Variants in AGBL1 observed in about 807,000 individuals in gnomAD.
AGBL1 encodes the protein cytosolic carboxypeptidase 4.
A neutral mutation model predicts 118.9 loss-of-function variants in AGBL1; 130 were observed. That is an observed-to-expected ratio of 1.09 (90% CI 0.95 to 1.26). AGBL1 has a LOEUF of 1.26. AGBL1 is among the 50% of genes most tolerant of loss of function. The pLI is 0.00. For synonymous variants in AGBL1, 555 were observed against 478.9 expected (o/e 1.16, Z -2.08); for missense variants, 1,584 against 1,298.1 (o/e 1.22, Z -3.38).
At chr15:86,692,156 T>A (rs2086183376) in intron 22 of AGBL1, among the ~76,000 whole-genome samples, 1 of 151,704 alleles carries the variant, frequency 6.6e-6, no homozygotes, top group African/African-American at 2.4e-5. Context: ...CCAGCCTGGG[T>A]GACACAGCAA....
intron 19 of AGBL1, among the ~76,000 whole-genome samples, chr15:86,523,953 C>T (rs1333501540): frequency 6.6e-6 from 1 of 152,172 alleles, no homozygotes; most frequent in Non-Finnish European, 1.5e-5. Flanking sequence ...GAGTCCTTAC[C>T]TAACCTAACA....
At chr15:86,375,651 G>A (rs981749937) in intron 17 of AGBL1, among the ~76,000 whole-genome samples, 1 of 152,124 alleles carries the variant, frequency 6.6e-6, no homozygotes, top group Non-Finnish European at 1.5e-5. Context: ...TGCAAAAAAG[G>A]TACTCGGCTG....
chr15:86,108,820 G>A (rs556580844), intron 1 of AGBL1, among the ~76,000 whole-genome samples: 1 of 152,140 alleles, frequency 6.6e-6, no homozygotes, highest in African/African-American at 2.4e-5. Context: ...AGCCAGGCGT[G>A]GTGGCATGCA....
At chr15:86,731,848 C>A (rs2077531596) in intron 22 of AGBL1, among the ~76,000 whole-genome samples, 1 of 152,142 alleles carries the variant, frequency 6.6e-6, no homozygotes, top group South Asian at 2.1e-4. Context: ...GGGTAGTAAG[C>A]CTCTGAAATG....
chr15:86,523,691 A>G (rs114787959), intron 19 of AGBL1, among the ~76,000 whole-genome samples: 1,431 of 90,908 alleles, frequency 0.016, 23 homozygotes, highest in African/African-American at 0.1. Flanking sequence ...CTAGGTGTTT[A>G]TGTTCAACTA....
At chr15:86,333,797 C>A (rs532925378) in intron 17 of AGBL1, among the ~76,000 whole-genome samples, 5 of 152,142 alleles carry the variant, frequency 3.3e-5, no homozygotes, top group Admixed American at 6.5e-5. Context: ...AAAATGCTAG[C>A]AAGCTGAACC....
At chr15:86,884,049 T>G (rs775351389) in intron 22 of AGBL1, among the ~76,000 whole-genome samples, 26 of 152,196 alleles carry the variant, frequency 1.7e-4, no homozygotes, top group Non-Finnish European at 2.8e-4. Flanking sequence ...TTACCATAGA[T>G]CTTAGAAACT....
chr15:86,946,793 A>C (rs1228453206), intron 23 of AGBL1, among the ~76,000 whole-genome samples: 5 of 150,756 alleles, frequency 3.3e-5, no homozygotes, highest in Non-Finnish European at 5.9e-5. Context: ...GCAGTGAGCC[A>C]AAATCATGCC....
At chr15:87,006,299 A>G (rs572842660) in intron 24 of AGBL1, among the ~76,000 whole-genome samples, 1 of 152,262 alleles carries the variant, frequency 6.6e-6, no homozygotes, top group East Asian at 1.9e-4. Flanking sequence ...GGTGGAGTCT[A>G]CAGAGGCAGG....
rs372952196 is a variant in AGBL1 at position 86,540,719 on chromosome 15, C to T, written c.2686-5283C>T. Among the ~76,000 whole-genome samples, 238 of 152,276 alleles carry T rather than the reference C, an allele frequency of 1.6e-3. 1 individual carries two copies. The highest frequency in any genetic ancestry group is 5.5e-3 in the African/African-American group (230 of 41,548). On this transcript the variant is annotated intron_variant, in intron 19 of 22. Transcript: ENST00000614907. ...GGTAGAAAAGAAAAAGCTTCCTTAA[C>T]TTAAATAATTGGATAATTGCCTTGT...
intron 1 of AGBL1, among the ~76,000 whole-genome samples, chr15:86,122,009 A>C (rs538772539): frequency 4.1e-4 from 63 of 152,366 alleles, no homozygotes; most frequent in African/African-American, 1.5e-3. Flanking sequence ...TTTGCTTTGC[A>C]CAAGGAAGTC....
intron 5 of AGBL1, among the ~76,000 whole-genome samples, chr15:86,215,858 TG>T: frequency 2.0e-5 from 3 of 152,302 alleles, no homozygotes; most frequent in Admixed American, 2.0e-4. Flanking sequence ...TGTGTCATTT[TG>T]GGGACTACTG....
chr15:86,144,558 A>G (rs916745844), intron 3 of AGBL1, among the ~76,000 whole-genome samples: 1 of 152,220 alleles, frequency 6.6e-6, no homozygotes, highest in African/African-American at 2.4e-5. Context: ...AAACTAAAGC[A>G]GAAACAGAAA....
chr15:86,810,152 A>G lies in AGBL1; in HGVS notation c.3159-96935A>G, dbSNP rs139964497. Among the ~76,000 whole-genome samples, 11 of 152,250 alleles carry G rather than the reference A, an allele frequency of 7.2e-5. No individual in the cohort carries two copies. The East Asian group carries it at 1.9e-3, about 27-fold the overall frequency. On this transcript the variant is annotated intron_variant, in intron 22 of 22. Coordinates refer to ENST00000614907, the MANE Select transcript of AGBL1 (RefSeq NM_001386094.1). ...AAACAGCAACAATAAAAACCACATC[A>G]GTCTTCCTTTCCTCGGGACTAAGTA...
rs1171947717 is a variant in AGBL1, at chr15:86,820,021, G to A, written c.3159-87066G>A. 2.6e-5 allele frequency among the ~76,000 whole-genome samples: 4 copies of A among 152,112 alleles called. No homozygotes were observed. In the South Asian group the frequency reaches 6.2e-4, roughly 24 times the overall value. On this transcript the variant is annotated intron_variant, in intron 22 of 22. Transcript: ENST00000614907. Reference sequence around the variant, plus strand: ...CAACCATCTGATCTTTGACAAACCTGACAAAAACAAGCAATGGGGAAAGGA... The same window carrying A: ...CAACCATCTGATCTTTGACAAACCTAACAAAAACAAGCAATGGGGAAAGGA...
At chr15:86,897,362 A>G (rs898905397) in intron 22 of AGBL1, among the ~76,000 whole-genome samples, 10 of 152,124 alleles carry the variant, frequency 6.6e-5, no homozygotes, top group Non-Finnish European at 1.3e-4. Context: ...AGTGTATATG[A>G]TGCACCATTT....
intron 5 of AGBL1, among the ~76,000 whole-genome samples, chr15:86,211,959 T>G (rs556541376): frequency 6.6e-6 from 1 of 152,184 alleles, no homozygotes; most frequent in African/African-American, 2.4e-5. Flanking sequence ...CTGTTCCTAT[T>G]CGGCCATCTT....
At chr15:86,684,437 T>A (rs1416190998) in intron 22 of AGBL1, among the ~76,000 whole-genome samples, 2 of 151,752 alleles carry the variant, frequency 1.3e-5, no homozygotes, top group African/African-American at 4.8e-5. Flanking sequence ...AGTCCTCACT[T>A]TAGTTAGTAC....
At chr15:86,370,235 T>C (rs928869421) in intron 17 of AGBL1, among the ~76,000 whole-genome samples, 3 of 152,066 alleles carry the variant, frequency 2.0e-5, no homozygotes, top group Non-Finnish European at 4.4e-5. Flanking sequence ...GGGTAAATCA[T>C]GTGTCTTGGA....
Sources: gnomAD v4.1 joint callset for allele counts (sites outside exome capture counted in the v4.1 genomes callset) on GRCh38, gnomAD v4.1.1 for gene constraint, MANE v1.5 for transcripts, NCBI Gene and HGNC (gene_info 2026-07-23, HGNC 2026-07-21) for gene names.